The following NOTCH2 variants were observed in gnomAD, a reference collection of about 807,000 sequenced individuals.
NOTCH2 encodes neurogenic locus notch homolog protein 2.
NOTCH2 carries 29 observed loss-of-function variants against 235.8 expected under a neutral mutation model. The observed-to-expected ratio is 0.12, with a 90% CI of 0.09 to 0.17. NOTCH2 has a LOEUF of 0.17. Among genes scored for constraint, NOTCH2 ranks in the 10% least tolerant of loss-of-function variants. The pLI is 1.00. For synonymous variants in NOTCH2, 1,086 were observed against 1,141.5 expected, an observed-to-expected ratio of 0.95 and a Z score of 0.98; for missense variants, 2,285 against 3,150.2, an observed-to-expected ratio of 0.73 and a Z score of 6.57.
intron 2 of NOTCH2, among the ~76,000 whole-genome samples, chr1:120,029,130 GCACA>G (rs1653991049): frequency 6.7e-6 from 1 of 148,596 alleles, no homozygotes; most frequent in South Asian, 2.1e-4. Context: ...CTACACACAT[GCACA>G]CATCTTCCTC....
intron 5 of NOTCH2, among the ~76,000 whole-genome samples, chr1:119,979,566 A>G (rs1651731300): frequency 6.6e-6 from 1 of 152,230 alleles, no homozygotes; most frequent in South Asian, 2.1e-4. Context: ...CCTCTGAAAT[A>G]AAATTATTCA....
chr1:119,921,539 T>A, intron 29 of NOTCH2, among the ~76,000 whole-genome samples, 174 bp downstream of exon 29: 1 of 152,176 alleles, frequency 6.6e-6, no homozygotes, highest in East Asian at 1.9e-4. Flanking sequence ...CCAAGGTCAT[T>A]TACGTCCTAA....
intron 5 of NOTCH2, among the ~76,000 whole-genome samples, chr1:119,978,436 G>C (rs1651681013): frequency 6.6e-6 from 1 of 152,172 alleles, no homozygotes; most frequent in South Asian, 2.1e-4. Flanking sequence ...GCTGCAGTGA[G>C]GAGAATGGAC....
At chr1:119,924,153 A>G (rs1649383656) in intron 25 of NOTCH2, among the ~76,000 whole-genome samples, 169 bp from the exon 26 acceptor site, 1 of 152,192 alleles carries the variant, frequency 6.6e-6, no homozygotes, top group African/African-American at 2.4e-5. Context: ...CCTGATGCCT[A>G]TGCCACTCAT....
At chr1:120,013,671 A>AG (rs1369906293) in intron 2 of NOTCH2, among the ~76,000 whole-genome samples, 1 of 151,404 alleles carries the variant, frequency 6.6e-6, no homozygotes, top group Non-Finnish European at 1.5e-5. Flanking sequence ...ATGGGAAGAA[A>AG]GGGGAGTAAT....
At chr1:119,927,130 G>C (rs1649502550) in intron 23 of NOTCH2, among the ~76,000 whole-genome samples, 1 of 152,070 alleles carries the variant, frequency 6.6e-6, no homozygotes, top group Admixed American at 6.5e-5. Context: ...TTAAAACACA[G>C]CTTAATTTTC....
At position 119,919,315 on chromosome 1, in the gene NOTCH2, G is replaced by A; in HGVS notation, c.5778C>T (p.Phe1926=). ...AAVAADAQGV[F]QILIRNRVTD... Reference sequence around the variant, plus strand: ...TGACTCTTCTCATGTTCTTTACCTGGAAGACACCTTGGGCATCAGCTGCCA... The same window carrying A: ...TGACTCTTCTCATGTTCTTTACCTGAAAGACACCTTGGGCATCAGCTGCCA... The change falls in exon 31 of 34, where the codon TTC becomes TTT. Residue 1926 remains phenylalanine (F), a synonymous_variant. Coordinates refer to ENST00000256646, the MANE Select transcript of NOTCH2 (RefSeq NM_024408.4). The A allele has an allele frequency of 6.2e-7, 1 of 1,611,026 alleles. No homozygotes were observed. Among genetic ancestry groups the A allele is most frequent in the Non-Finnish European group, 8.5e-7 (1 of 1,179,894 alleles).
intron 13 of NOTCH2, among the ~76,000 whole-genome samples, 160 bp downstream of exon 13, chr1:119,954,880 G>T (rs1320529911): frequency 2.0e-5 from 3 of 152,160 alleles, no homozygotes; most frequent in African/African-American, 7.2e-5. Flanking sequence ...AGCTTCCATG[G>T]ATTAAATGGT....
intron 2 of NOTCH2, among the ~76,000 whole-genome samples, chr1:120,015,100 T>C (rs587732667): frequency 1.4e-3 from 206 of 151,934 alleles, no homozygotes; most frequent in African/African-American, 4.8e-3. Flanking sequence ...AGGCATGCTT[T>C]ACAAAACAGC....
At position 119,925,609 on chromosome 1, in the gene NOTCH2, C is replaced by T. The variant is rs1431729619; in HGVS notation, c.4207G>A (p.Ala1403Thr). 3.1e-6 allele frequency: 5 copies of T among 1,613,938 alleles called. No homozygotes were observed. The highest frequency in any genetic ancestry group is 1.7e-5 in the Admixed American group (1 of 59,998). Residue 1403 changes from alanine (A) to threonine (T), a missense_variant, in exon 25 of 34, where the codon GCC becomes ACC. Physicochemically the swap from Ala to Thr is moderately conservative, Grantham distance 58. Around this residue, in one of 6 missense-constraint regions of NOTCH2, gnomAD observed 1,173 missense variants for 1,515.3 expected, o/e 0.77. Coordinates refer to ENST00000256646, the MANE Select transcript of NOTCH2 (RefSeq NM_024408.4). ...CAGCGGCTACCCGAGAATGGTGGGG[C>T]ACACTGGCAGGAGTAATAAGGAGGC... ...RQPPYYSCQC[A>T]PPFSGSRCEL...
rs34891988 is a variant in NOTCH2 at position 119,916,379 on chromosome 1, T to C, written c.6343A>G (p.Ser2115Gly). ...GCCTCCTTGGCAAGGTTAGGGAGGC[T>C]AGTAGGCATGGTACTCTTGGCACTG... ...RPSAKSTMPT[S>G]LPNLAKEAKD... Residue 2115 changes from serine to glycine, a missense_variant, in exon 34 of 34, where the codon AGC becomes GGC. Around this residue, in one of 6 missense-constraint regions of NOTCH2, gnomAD observed 504 missense variants for 538.0 expected, o/e 0.94. Transcript: ENST00000256646. 3.5e-5 allele frequency: 56 copies of C among 1,614,072 alleles called. No homozygotes were observed. Among genetic ancestry groups the C allele is most frequent in the Middle Eastern group, 3.3e-4 (2 of 6,084 alleles).
chr1:119,982,870 T>C (rs1194371494), intron 5 of NOTCH2, among the ~76,000 whole-genome samples: 1 of 152,238 alleles, frequency 6.6e-6, no homozygotes, highest in East Asian at 1.9e-4. Flanking sequence ...GTGGGGTATA[T>C]AACACAGTTC....
chr1:119,984,911 C>G (rs1363883669), intron 5 of NOTCH2, among the ~76,000 whole-genome samples: 4 of 152,084 alleles, frequency 2.6e-5, no homozygotes, highest in Admixed American at 2.6e-4. Context: ...AAGCAGGTAA[C>G]CACTTGATCT....
rs1648956273 is a variant in NOTCH2 at position 119,913,400 on chromosome 1, C to A, written c.*1906G>T. 1.7e-5 allele frequency: 4 copies of A among 233,052 alleles called. No homozygotes were observed. The East Asian group carries it at 1.8e-4, about 11-fold the overall frequency. 14.4% of individuals were successfully genotyped at this position (233,052 alleles called of 1,614,324 possible). A position where few individuals can be genotyped will look rare whatever the true frequency, so the allele number is the denominator to read the frequency against. On this transcript the variant is annotated 3_prime_UTR_variant, in exon 34 of 34. Coordinates refer to ENST00000256646, the MANE Select transcript of NOTCH2 (RefSeq NM_024408.4). ...AGTGGGAAGCACTGATGCATACTTG[C>A]AGCCATAGAAGGAATGAGAACTGTC...
In NOTCH2 at chr1:119,922,416, A is replaced by G. The variant is rs2101154863; in HGVS notation, c.5033T>C (p.Leu1678Pro). Residue 1678 changes from leucine to proline, a missense_variant, in exon 28 of 34, where the codon CTC (leucine) becomes CCC (proline). Physicochemically the swap from Leu to Pro is moderately conservative, Grantham distance 98. Around this residue, in one of 6 missense-constraint regions of NOTCH2, gnomAD observed 1,173 missense variants for 1,515.3 expected, o/e 0.77. Transcript: ENST00000256646. The part of the protein sequence containing the change: ...SESLTPERTQ[L>P]LYLLAVAVVI... ...AACAGCAACAGCAAGGAGATAGAGG[A>G]GCTGAGTGCGTTCTGGAGTCAGGGA... 6.2e-7 allele frequency: 1 copy of G among 1,613,746 alleles called. No homozygotes were observed.
chr1:119,974,603 T>C (rs1353178428), intron 5 of NOTCH2, among the ~76,000 whole-genome samples: 3 of 152,204 alleles, frequency 2.0e-5, no homozygotes, highest in Admixed American at 1.3e-4. Context: ...GTACAGTTTA[T>C]ACTAACCACA....
chr1:119,983,251 G>T (rs1269814062), intron 5 of NOTCH2, among the ~76,000 whole-genome samples: 1 of 151,078 alleles, frequency 6.6e-6, no homozygotes, highest in African/African-American at 2.4e-5. Context: ...CCCTAGGGTG[G>T]AATGTGCAGT....
At chr1:119,918,309 G>A (rs1450084507) in intron 32 of NOTCH2, 97 bp downstream of exon 32, 3 of 1,324,590 alleles carry the variant, frequency 2.3e-6, no homozygotes, top group Non-Finnish European at 3.2e-6. Flanking sequence ...CACGTATTTG[G>A]ATCTCAGGCA....
At chr1:119,932,634 T>C (rs1553195306) in intron 22 of NOTCH2, among the ~76,000 whole-genome samples, 1 of 151,820 alleles carries the variant, frequency 6.6e-6, no homozygotes, top group Non-Finnish European at 1.5e-5. Flanking sequence ...TATCTATCTA[T>C]CTATCTATCT....
Sources: allele counts gnomAD v4.1 joint callset (sites outside exome capture counted in the v4.1 genomes callset), GRCh38; gene constraint gnomAD v4.1.1; regional missense constraint gnomAD v4.1.1; transcripts MANE v1.5; gene names NCBI Gene and HGNC (gene_info 2026-07-23, HGNC 2026-07-21).